Variants in SCAPER observed in about 807,000 individuals in gnomAD.
The protein encoded by SCAPER is S-phase cyclin A associated protein in the ER.
A neutral mutation model predicts 182.2 loss-of-function variants in SCAPER; 98 were observed. The observed-to-expected ratio is 0.54, with a 90% CI of 0.46 to 0.64. SCAPER has a LOEUF of 0.64. SCAPER is among the 30% of genes least tolerant of loss of function. The pLI is 0.00. For synonymous variants in SCAPER, 605 were observed against 564.6 expected (o/e 1.07, Z -1.01); for missense variants, 1,432 against 1,690.0 (o/e 0.85, Z 2.68).
chr15:76,657,055 C>T (rs2055708775), intron 21 of SCAPER, among the ~76,000 whole-genome samples: 1 of 151,926 alleles, frequency 6.6e-6, no homozygotes, highest in Admixed American at 6.5e-5. Flanking sequence ...CAGAGCTCAA[C>T]TGAAGAAAAC....
intron 24 of SCAPER, among the ~76,000 whole-genome samples, 191 bp from the exon 25 acceptor site, chr15:76,471,526 C>T (rs972866176): frequency 6.6e-6 from 1 of 152,180 alleles, no homozygotes; most frequent in Non-Finnish European, 1.5e-5. Context: ...ACCCAAAGCC[C>T]AGTGTTCACT....
chr15:76,841,444 C>T (rs1403399357), intron 5 of SCAPER, among the ~76,000 whole-genome samples: 5 of 151,974 alleles, frequency 3.3e-5, no homozygotes, highest in Admixed American at 2.6e-4. Flanking sequence ...GTCAGGAGTT[C>T]GAGACCAGCT....
At chr15:76,761,985 ATTG>A (rs546949269) in intron 14 of SCAPER, among the ~76,000 whole-genome samples, 182 of 152,284 alleles carry the variant, frequency 1.2e-3, no homozygotes, top group Non-Finnish European at 2.3e-3. Flanking sequence ...ATATATTTAA[ATTG>A]TTGTATCCTC....
intron 17 of SCAPER, among the ~76,000 whole-genome samples, chr15:76,723,035 A>C (rs2060356209): frequency 6.6e-6 from 1 of 151,944 alleles, no homozygotes; most frequent in African/African-American, 2.4e-5. Flanking sequence ...TGTCAATTTT[A>C]GATCTTTCCT....
chr15:76,486,467 G>A (rs756132928), intron 24 of SCAPER, among the ~76,000 whole-genome samples: 9 of 151,754 alleles, frequency 5.9e-5, no homozygotes, highest in Non-Finnish European at 1.0e-4. Context: ...CTATGTAACC[G>A]AAAAGGTCTA....
At chr15:76,875,734 C>G (rs2073095382) in intron 2 of SCAPER, among the ~76,000 whole-genome samples, 1 of 152,198 alleles carries the variant, frequency 6.6e-6, no homozygotes, top group Non-Finnish European at 1.5e-5. Context: ...TTGGGAGTTT[C>G]TTCCTTCTGG....
intron 27 of SCAPER, among the ~76,000 whole-genome samples, chr15:76,393,112 G>A (rs1337507174): frequency 6.6e-6 from 1 of 152,128 alleles, no homozygotes; most frequent in Non-Finnish European, 1.5e-5. Context: ...TGGATCTTTC[G>A]GAAGTCCCTC....
intron 8 of SCAPER, among the ~76,000 whole-genome samples, chr15:76,775,434 A>T (rs1328858913): frequency 6.6e-6 from 1 of 152,142 alleles, no homozygotes; most frequent in Non-Finnish European, 1.5e-5. Flanking sequence ...TATCTCTTTT[A>T]ATCTTCACAA....
chr15:76,488,714 C>CTTTTTCTTTTTTT (rs2051924818), intron 24 of SCAPER, among the ~76,000 whole-genome samples: 1 of 93,144 alleles, frequency 1.1e-5, no homozygotes, highest in Non-Finnish European at 2.0e-5. Flanking sequence ...AGTACACTGC[C>CTTTTTCTTTTTTT]TTTTTTTTTT....
At chr15:76,739,776 G>A (rs187179250) in intron 15 of SCAPER, among the ~76,000 whole-genome samples, 6 of 152,270 alleles carry the variant, frequency 3.9e-5, no homozygotes, top group Admixed American at 1.3e-4. Context: ...AAGGTGATTC[G>A]TGAGCTAAGG....
chr15:76,484,750 C>A (rs2051457110), intron 24 of SCAPER, among the ~76,000 whole-genome samples: 1 of 152,006 alleles, frequency 6.6e-6, no homozygotes, highest in Non-Finnish European at 1.5e-5. Flanking sequence ...AAGGTTGGCT[C>A]AACGTAAGCA....
At chr15:76,800,420 T>C (rs1305664721) in intron 6 of SCAPER, 56 bp from the exon 7 acceptor site, 12 of 1,121,640 alleles carry the variant, frequency 1.1e-5, no homozygotes, top group Non-Finnish European at 1.3e-5. Context: ...GAGAAACAAA[T>C]AATCTTTTCT....
At chr15:76,790,056 G>A (rs1211387071) in intron 8 of SCAPER, among the ~76,000 whole-genome samples, 2 of 151,870 alleles carry the variant, frequency 1.3e-5, no homozygotes, top group African/African-American at 2.4e-5. Flanking sequence ...GTGAAACCCC[G>A]TCTCTACTAA....
In SCAPER at chr15:76,845,891, T is replaced by C. The variant is rs531757447; in HGVS notation, c.196-3960A>G. Among the ~76,000 whole-genome samples the C allele has an allele frequency of 5.3e-5, 8 of 152,054 alleles. No homozygotes were observed. The South Asian group carries it at 1.4e-3, about 28-fold the overall frequency. ...AAAAAACCTGGAATACCCAAGGTTA[T>C]CCTACACGAAAAGAACAAAACTAGA... On this transcript the variant is annotated intron_variant, in intron 4 of 31. Coordinates refer to ENST00000563290, the MANE Select transcript of SCAPER (RefSeq NM_020843.4).
At chr15:76,541,585 G>A (rs979399841) in intron 23 of SCAPER, among the ~76,000 whole-genome samples, 3 of 152,158 alleles carry the variant, frequency 2.0e-5, no homozygotes, top group Non-Finnish European at 4.4e-5. Flanking sequence ...TAGTTAACAG[G>A]AGAATTACTG....
intron 2 of SCAPER, among the ~76,000 whole-genome samples, chr15:76,877,572 T>G (rs1324273526): frequency 6.6e-6 from 1 of 152,206 alleles, no homozygotes; most frequent in Admixed American, 6.5e-5. Context: ...GCAGGATGAA[T>G]TCACATCATA....
chr15:76,756,205 C>T (rs1411766942), intron 14 of SCAPER, among the ~76,000 whole-genome samples: 5 of 131,106 alleles, frequency 3.8e-5, no homozygotes, highest in African/African-American at 5.9e-5. Context: ...GATTGTGCCA[C>T]AGCACTCCAG....
intron 21 of SCAPER, among the ~76,000 whole-genome samples, chr15:76,630,775 T>C (rs756521079): frequency 6.6e-5 from 10 of 152,168 alleles, no homozygotes; most frequent in Non-Finnish European, 1.0e-4. Context: ...TATTCTGTTG[T>C]TTTGGGGTAG....
At chr15:76,814,576 T>C (rs1352196276) in intron 5 of SCAPER, among the ~76,000 whole-genome samples, 1 of 152,140 alleles carries the variant, frequency 6.6e-6, no homozygotes, top group African/African-American at 2.4e-5. Flanking sequence ...AAGAAGGAAC[T>C]AGACCCTTAT....
Sources: allele counts gnomAD v4.1 joint callset (sites outside exome capture counted in the v4.1 genomes callset), GRCh38; gene constraint gnomAD v4.1.1; transcripts MANE v1.5; gene names NCBI Gene and HGNC (gene_info 2026-07-23, HGNC 2026-07-21).